ZNF385D: variants seen among roughly 807,000 people sequenced by gnomAD.
ZNF385D encodes the protein zinc finger protein 385D.
Under a neutral mutation model 35.8 loss-of-function variants are expected in ZNF385D, and 15 were observed. The ratio of observed to expected loss-of-function variants is 0.42; its 90% CI spans 0.28 to 0.64. The LOEUF (loss-of-function observed/expected upper bound fraction) is 0.64, where lower values mean the gene tolerates loss of function less well. ZNF385D is among the 30% of genes least tolerant of loss of function. ZNF385D has a pLI of 0.23. For synonymous variants in ZNF385D, 212 were observed against 186.8 expected (o/e 1.13, Z -1.10); for missense variants, 474 against 494.6 (o/e 0.96, Z 0.39).
At chr3:22,152,439 C>A (rs954806856) in intron 3 of ZNF385D, among the ~76,000 whole-genome samples, 1 of 152,078 alleles carries the variant, frequency 6.6e-6, no homozygotes, top group Non-Finnish European at 1.5e-5. Flanking sequence ...GTTCTGAGGT[C>A]AGAAGTCTGA....
chr3:21,704,402 G>T (rs1437307704), intron 1 of ZNF385D, among the ~76,000 whole-genome samples: 4 of 151,546 alleles, frequency 2.6e-5, no homozygotes, highest in African/African-American at 9.7e-5. Context: ...TAGTCACTGG[G>T]TTACCTGTCT....
intron 3 of ZNF385D, among the ~76,000 whole-genome samples, chr3:22,142,180 C>T (rs1278444715): frequency 6.6e-6 from 1 of 152,150 alleles, no homozygotes; most frequent in Non-Finnish European, 1.5e-5. Flanking sequence ...TGTTGTTTCA[C>T]TGTACCATGT....
At chr3:21,447,675 T>C (rs1170696068) in intron 4 of ZNF385D, among the ~76,000 whole-genome samples, 1 of 152,200 alleles carries the variant, frequency 6.6e-6, no homozygotes, top group Non-Finnish European at 1.5e-5. Flanking sequence ...TGATAAATCA[T>C]GAATCTTGAA....
chr3:21,531,611 T>C lies in ZNF385D; in HGVS notation c.277-20588A>G, dbSNP rs563760592. Among the ~76,000 whole-genome samples, 8 of 152,294 alleles carry C rather than the reference T, an allele frequency of 5.3e-5. No individual in the cohort carries two copies. In the East Asian group the frequency reaches 5.8e-4, roughly 11 times the overall value. On this transcript the variant is annotated intron_variant, in intron 3 of 7. Coordinates refer to ENST00000281523, the MANE Select transcript of ZNF385D (RefSeq NM_024697.3). ...TGAGCCATCAAGCCATTAAAAGTCA[T>C]AGATGCATATTACTAAGTCGAAGAA...
chr3:22,078,769 A>G (rs895726142), intron 3 of ZNF385D, among the ~76,000 whole-genome samples: 2 of 152,208 alleles, frequency 1.3e-5, no homozygotes, highest in African/African-American at 4.8e-5. Context: ...TTGAAAAAGG[A>G]CTTTGAAAAT....
intron 2 of ZNF385D, among the ~76,000 whole-genome samples, chr3:22,359,802 T>C (rs1182027565): frequency 6.6e-6 from 1 of 151,970 alleles, no homozygotes; most frequent in East Asian, 1.9e-4. Context: ...AAACTAGTTA[T>C]GAAACATATA....
chr3:21,603,510 T>C (rs749200297), intron 2 of ZNF385D, among the ~76,000 whole-genome samples: 2 of 152,212 alleles, frequency 1.3e-5, no homozygotes, highest in Non-Finnish European at 2.9e-5. Flanking sequence ...TTATGTTACA[T>C]CTGTACAGTT....
chr3:22,205,698 T>C (rs886478764), intron 2 of ZNF385D, among the ~76,000 whole-genome samples: 6 of 151,954 alleles, frequency 3.9e-5, no homozygotes, highest in Non-Finnish European at 5.9e-5. Context: ...AAAATATGGG[T>C]TACAAGATAT....
At chr3:22,260,461 C>T (rs1289877808) in intron 2 of ZNF385D, among the ~76,000 whole-genome samples, 1 of 151,672 alleles carries the variant, frequency 6.6e-6, no homozygotes, top group African/African-American at 2.4e-5. Context: ...ACATGTATAC[C>T]TATGTAACAA....
At chr3:21,889,356 C>G (rs540020662) in intron 3 of ZNF385D, among the ~76,000 whole-genome samples, 1 of 152,110 alleles carries the variant, frequency 6.6e-6, no homozygotes, top group East Asian at 1.9e-4. Flanking sequence ...AGGCGCCAGA[C>G]GACCTAGCCT....
intron 3 of ZNF385D, among the ~76,000 whole-genome samples, chr3:21,886,549 T>G (rs933775575): frequency 2.0e-5 from 3 of 151,960 alleles, no homozygotes; most frequent in Non-Finnish European, 4.4e-5. Flanking sequence ...CAAGCAGATA[T>G]TGGATGGACG....
At chr3:21,809,809 G>A (rs970737582) in intron 3 of ZNF385D, among the ~76,000 whole-genome samples, 1 of 151,746 alleles carries the variant, frequency 6.6e-6, no homozygotes, top group African/African-American at 2.4e-5. Flanking sequence ...GGCAAGGAAA[G>A]AGAGAGGTAC....
At chr3:22,279,945 C>A (rs1319012235) in intron 2 of ZNF385D, among the ~76,000 whole-genome samples, 2 of 151,958 alleles carry the variant, frequency 1.3e-5, no homozygotes, top group African/African-American at 4.8e-5. Context: ...ATGCCAACAT[C>A]CATTATTTTT....
intron 3 of ZNF385D, among the ~76,000 whole-genome samples, chr3:21,790,985 C>A (rs900158638): frequency 1.3e-5 from 2 of 152,050 alleles, no homozygotes; most frequent in Non-Finnish European, 2.9e-5. Flanking sequence ...TAAACCAATG[C>A]GAAGAAATAC....
intron 2 of ZNF385D, among the ~76,000 whole-genome samples, chr3:21,654,058 C>A (rs1449961138): frequency 1.3e-5 from 2 of 151,798 alleles, no homozygotes. Flanking sequence ...ATGCCCCAAT[C>A]TATTGTACAA....
chr3:22,296,624 G>C (rs1559504835), intron 2 of ZNF385D, among the ~76,000 whole-genome samples: 1 of 152,140 alleles, frequency 6.6e-6, no homozygotes, highest in Non-Finnish European at 1.5e-5. Flanking sequence ...TGAACACTGA[G>C]TTAGATACTG....
At chr3:21,880,800 A>G (rs1021173040) in intron 3 of ZNF385D, among the ~76,000 whole-genome samples, 2 of 151,946 alleles carry the variant, frequency 1.3e-5, no homozygotes, top group African/African-American at 4.8e-5. Flanking sequence ...AAACTTCTTG[A>G]AAAAAATGGA....
At chr3:21,861,199 A>T (rs1446462728) in intron 3 of ZNF385D, among the ~76,000 whole-genome samples, 2 of 152,094 alleles carry the variant, frequency 1.3e-5, no homozygotes, top group Non-Finnish European at 2.9e-5. Context: ...CCAAATGAAC[A>T]GACTGCTCTC....
intron 2 of ZNF385D, among the ~76,000 whole-genome samples, chr3:22,257,406 A>G (rs930425642): frequency 6.6e-6 from 1 of 151,550 alleles, no homozygotes; most frequent in African/African-American, 2.4e-5. Flanking sequence ...GAACCTCTCA[A>G]TTTTTCATAT....
Sources: allele counts gnomAD v4.1 joint callset (sites outside exome capture counted in the v4.1 genomes callset), GRCh38; gene constraint gnomAD v4.1.1; transcripts MANE v1.5; gene names NCBI Gene and HGNC (gene_info 2026-07-23, HGNC 2026-07-21).